The following ATXN7L1 variants were observed in gnomAD, a reference collection of about 807,000 sequenced individuals.
ATXN7L1 encodes the protein ataxin-7-like protein 1.
In ATXN7L1, 15 loss-of-function variants were observed where a neutral mutation model predicts 70.8. The observed-to-expected ratio is 0.21, with a 90% CI of 0.14 to 0.33. The LOEUF (loss-of-function observed/expected upper bound fraction) is 0.33, where lower values mean the gene tolerates loss of function less well. Ranked by LOEUF, ATXN7L1 falls within the 10% of genes least tolerant of loss-of-function variation. The pLI is 1.00. For missense variants in ATXN7L1, 975 were observed against 1,097.1 expected, an observed-to-expected ratio of 0.89 and a Z score of 1.57; for synonymous variants, 440 against 445.1, an observed-to-expected ratio of 0.99 and a Z score of 0.14.
At chr7:105,810,025 G>A (rs1180670213) in intron 2 of ATXN7L1, among the ~76,000 whole-genome samples, 1 of 152,182 alleles carries the variant, frequency 6.6e-6, no homozygotes, top group African/African-American at 2.4e-5. Flanking sequence ...TCCAGCCTTG[G>A]CCTCCCAAAG....
At chr7:105,724,947 C>G (rs1795635886) in intron 3 of ATXN7L1, among the ~76,000 whole-genome samples, 1 of 152,092 alleles carries the variant, frequency 6.6e-6, no homozygotes, top group Non-Finnish European at 1.5e-5. Flanking sequence ...CCACCTTAAC[C>G]TCCTGAGTAG....
rs373884600 is a variant in ATXN7L1 at position 105,653,897 on chromosome 7, C to G, written c.579-10776G>C. Reference sequence around the variant, plus strand: ...CCCATTCTCCAGGTGAACACTCCCCCATCTGTCCAGATCCGGAGGAAACAT... The same window carrying G: ...CCCATTCTCCAGGTGAACACTCCCCGATCTGTCCAGATCCGGAGGAAACAT... On this transcript the variant is annotated intron_variant, in intron 4 of 11. Coordinates refer to ENST00000419735, the MANE Select transcript of ATXN7L1 (RefSeq NM_020725.2). Among the ~76,000 whole-genome samples, 36 of 152,288 alleles carry G rather than the reference C, an allele frequency of 2.4e-4. No homozygotes were observed. In the East Asian group the frequency reaches 5.2e-3, roughly 22 times the overall value.
intron 3 of ATXN7L1, among the ~76,000 whole-genome samples, chr7:105,744,856 G>A (rs987063631): frequency 2.0e-5 from 3 of 149,626 alleles, no homozygotes; most frequent in African/African-American, 7.4e-5. Flanking sequence ...TCCTGCCTCA[G>A]CCTCCCGAGT....
chr7:105,691,622 G>A (rs1790849168), intron 3 of ATXN7L1: 1 of 142,790 alleles, frequency 7.0e-6, no homozygotes, highest in Admixed American at 7.4e-5. Context: ...TTGTACTTTT[G>A]GAACCTGAAG....
intron 2 of ATXN7L1, among the ~76,000 whole-genome samples, chr7:105,872,695 T>G (rs1818441230): frequency 6.6e-6 from 1 of 152,086 alleles, no homozygotes; most frequent in Non-Finnish European, 1.5e-5. Flanking sequence ...GCATAATGGG[T>G]ACAGAGTTTC....
chr7:105,709,097 G>GC (rs36026757), intron 3 of ATXN7L1, among the ~76,000 whole-genome samples: 79,000 of 152,020 alleles, frequency 0.52, 22,626 homozygotes, highest in African/African-American at 0.77. Flanking sequence ...ACTTTGGGAG[G>GC]CAAGGTGGGT....
At chr7:105,657,250 T>C (rs643569) in intron 4 of ATXN7L1, among the ~76,000 whole-genome samples, 150,262 of 152,234 alleles carry the variant, frequency 0.99, 74,166 homozygotes, top group East Asian at 1. Context: ...GAGAAAGGAG[T>C]TGGAATTTAG....
intron 3 of ATXN7L1, among the ~76,000 whole-genome samples, chr7:105,665,996 G>A (rs889939479): frequency 1.3e-5 from 2 of 152,258 alleles, no homozygotes; most frequent in East Asian, 1.9e-4. Context: ...GCTCTGGGCA[G>A]AGATGCCTCA....
At chr7:105,672,903 G>A (rs1169895235) in intron 3 of ATXN7L1, among the ~76,000 whole-genome samples, 1 of 152,250 alleles carries the variant, frequency 6.6e-6, no homozygotes, top group East Asian at 1.9e-4. Flanking sequence ...CCAAAGAAAT[G>A]AAAAGCCAAA....
At chr7:105,653,745 C>A (rs1354544627) in intron 4 of ATXN7L1, among the ~76,000 whole-genome samples, 1 of 152,090 alleles carries the variant, frequency 6.6e-6, no homozygotes, top group African/African-American at 2.4e-5. Context: ...TGGCCCACCC[C>A]ACCCCTCCTG....
chr7:105,669,376 T>A (rs1803168788), intron 3 of ATXN7L1, among the ~76,000 whole-genome samples: 1 of 152,196 alleles, frequency 6.6e-6, no homozygotes, highest in South Asian at 2.1e-4. Flanking sequence ...ATATTTTAGA[T>A]TCAGAAACTT....
At chr7:105,758,813 T>C (rs1449481800) in intron 3 of ATXN7L1, among the ~76,000 whole-genome samples, 1 of 152,232 alleles carries the variant, frequency 6.6e-6, no homozygotes, top group Non-Finnish European at 1.5e-5. Flanking sequence ...AAACGAAGTG[T>C]ATCAGTTCAT....
chr7:105,613,589 G>C (rs1793376611), intron 10 of ATXN7L1: 2 of 1,357,188 alleles, frequency 1.5e-6, no homozygotes, highest in South Asian at 3.3e-5. Flanking sequence ...TCTGTAAAGT[G>C]ATAACTGCAC....
At chr7:105,666,540 G>A (rs1802642153) in intron 3 of ATXN7L1, among the ~76,000 whole-genome samples, 1 of 152,226 alleles carries the variant, frequency 6.6e-6, no homozygotes. Context: ...TGCGACAGGA[G>A]TCTGGGGTTT....
chr7:105,617,187 C>T (rs781406632), intron 9 of ATXN7L1, among the ~76,000 whole-genome samples: 6 of 152,044 alleles, frequency 3.9e-5, no homozygotes, highest in Admixed American at 1.3e-4. Context: ...CCACCAGGCC[C>T]GGATAAATTT....
chr7:105,704,584 CTTTTTTTTTTT>C (rs11329205), intron 3 of ATXN7L1, among the ~76,000 whole-genome samples: 7 of 89,502 alleles, frequency 7.8e-5, no homozygotes, highest in Middle Eastern at 5.9e-3. Flanking sequence ...GGTTTTATCT[CTTTTTTTTTTT>C]TTTTTTTTTT....
chr7:105,679,200 G>A (rs575329936), intron 3 of ATXN7L1: 132 of 944,652 alleles, frequency 1.4e-4, no homozygotes, highest in Middle Eastern at 5.4e-4. Context: ...AGCACGCCCA[G>A]ACGAGATTAG....
intron 2 of ATXN7L1, among the ~76,000 whole-genome samples, chr7:105,848,974 C>T (rs535700104): frequency 6.6e-6 from 1 of 152,194 alleles, no homozygotes; most frequent in East Asian, 1.9e-4. Context: ...TAGCTATCAC[C>T]CCAGTGGATC....
At chr7:105,779,926 TAAC>T (rs1488414454) in intron 3 of ATXN7L1, among the ~76,000 whole-genome samples, 1 of 152,052 alleles carries the variant, frequency 6.6e-6, no homozygotes, top group African/African-American at 2.4e-5. Flanking sequence ...ACAATAACAG[TAAC>T]AACAATTTAA....
Sources: allele counts gnomAD v4.1 joint callset (sites outside exome capture counted in the v4.1 genomes callset), GRCh38; gene constraint gnomAD v4.1.1; transcripts MANE v1.5; gene names NCBI Gene and HGNC (gene_info 2026-07-23, HGNC 2026-07-21).